The following COLGALT2 variants were observed in gnomAD, a reference collection of about 807,000 sequenced individuals.
COLGALT2 encodes procollagen galactosyltransferase 2.
COLGALT2 carries 49 observed loss-of-function variants against 73.4 expected under a neutral mutation model. The ratio of observed to expected loss-of-function variants is 0.67; its 90% CI spans 0.53 to 0.85. The LOEUF (loss-of-function observed/expected upper bound fraction) is 0.85, where lower values mean the gene tolerates loss of function less well. COLGALT2 is among the 40% of genes least tolerant of loss of function. The pLI is 0.00. For missense variants in COLGALT2, 722 were observed against 790.2 expected (o/e 0.91, Z 1.03); for synonymous variants, 295 against 307.6 (o/e 0.96, Z 0.43).
At chr1:184,005,415 G>C (rs1367141872) in intron 1 of COLGALT2, among the ~76,000 whole-genome samples, 1 of 152,164 alleles carries the variant, frequency 6.6e-6, no homozygotes, top group East Asian at 1.9e-4. Context: ...AGTGGCAGAA[G>C]GATGGGGAGT....
chr1:183,969,551 C>T (rs2102812731), intron 4 of COLGALT2, 78 bp from the exon 5 acceptor site: 2 of 1,283,022 alleles, frequency 1.6e-6, no homozygotes, highest in Admixed American at 2.4e-5. Flanking sequence ...TAGACTGATT[C>T]CTTTCAAGTC....
At chr1:183,940,386 C>T (rs1270226819) in intron 11 of COLGALT2, among the ~76,000 whole-genome samples, 195 bp downstream of exon 11, 6 of 152,230 alleles carry the variant, frequency 3.9e-5, no homozygotes, top group Admixed American at 6.5e-5. Context: ...GCAGGACACT[C>T]ACCATCTCTG....
Position 184,037,451 on chromosome 1 carries a change from G to A in COLGALT2, c.-94C>T. Reference sequence around the variant, plus strand: ...GGCGGCTGCCGGGGAGCAAGGGGCTGCGAGGGGCGGCCGGGGGATGCGGCT... The same window carrying A: ...GGCGGCTGCCGGGGAGCAAGGGGCTACGAGGGGCGGCCGGGGGATGCGGCT... On this transcript the variant is annotated 5_prime_UTR_variant, in exon 1 of 12. Transcript: ENST00000361927. The A allele has an allele frequency of 1.6e-6, 2 of 1,219,756 alleles. No homozygotes were observed. The highest frequency in any genetic ancestry group is 2.0e-6 in the Non-Finnish European group (2 of 981,866). 75.6% of individuals were successfully genotyped at this position (1,219,756 alleles called of 1,614,324 possible). A position where few individuals can be genotyped will look rare whatever the true frequency, so the allele number is the denominator to read the frequency against.
chr1:183,963,388 T>C (rs1670771139), intron 6 of COLGALT2, among the ~76,000 whole-genome samples: 1 of 152,190 alleles, frequency 6.6e-6, no homozygotes, highest in Non-Finnish European at 1.5e-5. Flanking sequence ...TACACTTTAA[T>C]GTACAAAAAG....
chr1:183,966,321 C>T (rs1347690082), intron 5 of COLGALT2, among the ~76,000 whole-genome samples: 1 of 152,190 alleles, frequency 6.6e-6, no homozygotes, highest in African/African-American at 2.4e-5. Flanking sequence ...AATTACGCTA[C>T]ATTTTGAAGG....
At chr1:183,977,544 G>A (rs1671230715) in intron 2 of COLGALT2, among the ~76,000 whole-genome samples, 1 of 151,992 alleles carries the variant, frequency 6.6e-6, no homozygotes. Flanking sequence ...CCAGCACTTT[G>A]GAAGGCCAAG....
chr1:183,930,677 C>T (rs1669827741), intron 11 of COLGALT2, among the ~76,000 whole-genome samples: 1 of 149,516 alleles, frequency 6.7e-6, no homozygotes, highest in African/African-American at 2.5e-5. Context: ...GCCTTGGCCT[C>T]CCAAAGTGCT....
intron 1 of COLGALT2, among the ~76,000 whole-genome samples, chr1:183,990,797 G>A (rs909883196): frequency 3.9e-5 from 6 of 152,238 alleles, no homozygotes; most frequent in African/African-American, 1.4e-4. Context: ...GGGCGAGATG[G>A]CTGTAAGGTG....
At chr1:183,932,899 A>T (rs963841982), downstream of COLGALT2, among the ~76,000 whole-genome samples, 2 of 152,046 alleles carry the variant, frequency 1.3e-5, no homozygotes, top group African/African-American at 4.8e-5. Flanking sequence ...GCTCCTGGGT[A>T]CCCCCTTCTG....
intron 5 of COLGALT2, among the ~76,000 whole-genome samples, chr1:183,968,056 G>A (rs1670930041): frequency 6.6e-6 from 1 of 152,206 alleles, no homozygotes; most frequent in South Asian, 2.1e-4. Flanking sequence ...TGTGTGAATT[G>A]TAGCTTGAAT....
At chr1:184,023,707 T>C (rs1649246329) in intron 1 of COLGALT2, among the ~76,000 whole-genome samples, 1 of 151,830 alleles carries the variant, frequency 6.6e-6, no homozygotes, top group Non-Finnish European at 1.5e-5. Context: ...TTTGCATATA[T>C]GATAAAATTA....
intron 8 of COLGALT2, among the ~76,000 whole-genome samples, chr1:183,947,220 C>A (rs1364590933): frequency 6.6e-6 from 1 of 152,134 alleles, no homozygotes; most frequent in Non-Finnish European, 1.5e-5. Context: ...AAACAGAAGA[C>A]TTGAATAATA....
chr1:183,948,001 A>G (rs1670296229), intron 8 of COLGALT2, among the ~76,000 whole-genome samples: 2 of 152,164 alleles, frequency 1.3e-5, no homozygotes, highest in Admixed American at 6.5e-5. Flanking sequence ...GATGAAATGG[A>G]CAAATTGATA....
downstream of COLGALT2, among the ~76,000 whole-genome samples, chr1:183,931,905 A>C (rs1246022883): frequency 3.3e-5 from 5 of 151,776 alleles, no homozygotes; most frequent in Admixed American, 1.3e-4. Flanking sequence ...GAAATGGGAG[A>C]AGCATTCTAA....
chr1:183,971,743 A>G (rs1423811991), intron 4 of COLGALT2, among the ~76,000 whole-genome samples: 2 of 152,246 alleles, frequency 1.3e-5, no homozygotes, highest in African/African-American at 4.8e-5. Context: ...TTAAATTTTC[A>G]GAAAGTTTGC....
At chr1:183,958,785 C>G (rs1572638385) in intron 6 of COLGALT2, among the ~76,000 whole-genome samples, 1 of 150,716 alleles carries the variant, frequency 6.6e-6, no homozygotes, top group South Asian at 2.1e-4. Context: ...ATTACCTTCT[C>G]TTTTACATCA....
At chr1:184,028,822 A>G (rs1256321324) in intron 1 of COLGALT2, among the ~76,000 whole-genome samples, 1 of 152,226 alleles carries the variant, frequency 6.6e-6, no homozygotes, top group Non-Finnish European at 1.5e-5. Context: ...TTAATCAGAA[A>G]ACACTGGAGG....
At chr1:184,027,331 T>G (rs997712060) in intron 1 of COLGALT2, among the ~76,000 whole-genome samples, 8 of 152,266 alleles carry the variant, frequency 5.3e-5, no homozygotes, top group African/African-American at 1.9e-4. Flanking sequence ...TCTTCTGCAG[T>G]TCCCAAACCA....
chr1:183,966,177 G>A (rs1320267791), intron 5 of COLGALT2, among the ~76,000 whole-genome samples: 1 of 152,184 alleles, frequency 6.6e-6, no homozygotes, highest in Non-Finnish European at 1.5e-5. Flanking sequence ...TTTCAACCAT[G>A]TGCATGGGCA....
Sources: gnomAD v4.1 joint callset for allele counts (sites outside exome capture counted in the v4.1 genomes callset) on GRCh38, gnomAD v4.1.1 for gene constraint, MANE v1.5 for transcripts, NCBI Gene and HGNC (gene_info 2026-07-23, HGNC 2026-07-21) for gene names.